The following CTDSPL variants were observed in gnomAD, a reference collection of about 807,000 sequenced individuals.
The protein encoded by CTDSPL is CTD small phosphatase like.
In CTDSPL, 8 loss-of-function variants were observed where a neutral mutation model predicts 30.5. The ratio of observed to expected loss-of-function variants is 0.26; its 90% CI spans 0.15 to 0.47. CTDSPL has a LOEUF of 0.47. Ranked by LOEUF, CTDSPL falls within the 20% of genes least tolerant of loss-of-function variation. The pLI, the probability that CTDSPL is intolerant of heterozygous loss-of-function variation, is 0.99. For synonymous variants in CTDSPL, 110 were observed against 137.9 expected, an observed-to-expected ratio of 0.80 and a Z score of 1.42; for missense variants, 248 against 366.1, an observed-to-expected ratio of 0.68 and a Z score of 2.63.
At chr3:37,937,515 C>T (rs1030508031) in intron 1 of CTDSPL, among the ~76,000 whole-genome samples, 10 of 150,628 alleles carry the variant, frequency 6.6e-5, no homozygotes, top group African/African-American at 2.4e-4. Context: ...TGAAGCAGCG[C>T]GAGACCCTCG....
Position 37,982,568 on chromosome 3 carries a change from A to T in CTDSPL, c.*1701A>T, listed in dbSNP as rs1388518144. ...TTGTTTTGCTTTCATTCACAAAGTA[A>T]TGAAGCCAGCTGCCAATTACATCCT... On this transcript the variant is annotated 3_prime_UTR_variant, in exon 8 of 8. Transcript: ENST00000273179. 4.4e-6 allele frequency: 2 copies of T among 456,740 alleles called. No individual in the cohort carries two copies. The highest frequency in any genetic ancestry group is 4.7e-5 in the Admixed American group (2 of 42,586). 28.3% of individuals were successfully genotyped at this position (456,740 alleles called of 1,614,324 possible).
chr3:37,969,003 A>G (rs1354199880), intron 5 of CTDSPL, among the ~76,000 whole-genome samples: 1 of 152,164 alleles, frequency 6.6e-6, no homozygotes, highest in African/African-American at 2.4e-5. Flanking sequence ...TAGTGTTTCC[A>G]CACTTCATGC....
chr3:37,927,672 G>GTATA (rs1380509955), intron 1 of CTDSPL, among the ~76,000 whole-genome samples: 6,010 of 132,650 alleles, frequency 0.045, 176 homozygotes, highest in African/African-American at 0.091. Flanking sequence ...GTGTGTGTGT[G>GTATA]TGTGTGTATG....
At chr3:37,939,209 T>A (rs1434786213) in intron 1 of CTDSPL, among the ~76,000 whole-genome samples, 1 of 150,294 alleles carries the variant, frequency 6.7e-6, no homozygotes, top group African/African-American at 2.4e-5. Flanking sequence ...TTTTGTTATG[T>A]TTGAAGCTGC....
chr3:37,978,470 G>A (rs548428702), intron 7 of CTDSPL, among the ~76,000 whole-genome samples: 3 of 152,250 alleles, frequency 2.0e-5, no homozygotes, highest in Non-Finnish European at 4.4e-5. Context: ...TTTATGTACA[G>A]CTTATACACA....
At chr3:37,956,382 GA>G (rs1006842963) in intron 2 of CTDSPL, among the ~76,000 whole-genome samples, 1 of 152,206 alleles carries the variant, frequency 6.6e-6, no homozygotes, top group African/African-American at 2.4e-5. Context: ...AGAAGAAACA[GA>G]AACTGGAAAT....
intron 1 of CTDSPL, among the ~76,000 whole-genome samples, chr3:37,902,000 G>T (rs1698455724): frequency 6.6e-6 from 1 of 152,140 alleles, no homozygotes. Flanking sequence ...GCATTCTGAG[G>T]CCTCTCCTCT....
rs192525822 is a variant in CTDSPL at position 37,928,706 on chromosome 3, G to C, written c.80-18351G>C. ...TACTCTTTTATTGGATATATTGTTT[G>C]CATATACTTTCTCCCATGCTTTAGG... is the stretch of plus-strand genomic sequence containing the variant. On this transcript the variant is annotated intron_variant, in intron 1 of 7. Coordinates refer to ENST00000273179, the MANE Select transcript of CTDSPL (RefSeq NM_001008392.2). Among the ~76,000 whole-genome samples, 412 of 152,058 alleles carry C rather than the reference G, an allele frequency of 2.7e-3. 2 individuals are homozygous for C. Among genetic ancestry groups the C allele is most frequent in the Non-Finnish European group, 4.2e-3 (288 of 67,960 alleles).
Position 37,982,997 on chromosome 3 carries a change from G to A in CTDSPL, c.*2130G>A. On this transcript the variant is annotated 3_prime_UTR_variant, in exon 8 of 8. Transcript: ENST00000273179. ...ATGGAAATCATAAAATATTTCATGG[G>A]AATCGAACCTAGGGATAGTGCTCCA... 4.6e-6 allele frequency: 1 copy of A among 215,146 alleles called. No individual in the cohort carries two copies. Among genetic ancestry groups the A allele is most frequent in the Non-Finnish European group, 9.7e-6 (1 of 103,552 alleles). 13.3% of individuals were successfully genotyped at this position (215,146 alleles called of 1,614,324 possible).
At chr3:37,890,529 A>T (rs1698312855) in intron 1 of CTDSPL, among the ~76,000 whole-genome samples, 1 of 152,082 alleles carries the variant, frequency 6.6e-6, no homozygotes, top group Admixed American at 6.5e-5. Context: ...GGGTTTTAAA[A>T]TTTTTTTTCA....
At chr3:37,934,336 AAAAG>A (rs941759082) in intron 1 of CTDSPL, among the ~76,000 whole-genome samples, 82 of 152,162 alleles carry the variant, frequency 5.4e-4, no homozygotes, top group Middle Eastern at 3.4e-3. Flanking sequence ...TTAAAAAAAA[AAAAG>A]AAAGAAAGAA....
chr3:37,957,248 G>A (rs1699185151), intron 3 of CTDSPL, 105 bp downstream of exon 3: 3 of 733,244 alleles, frequency 4.1e-6, no homozygotes, highest in African/African-American at 1.8e-5. Context: ...CTTATGGTGA[G>A]TTTATCATGT....
chr3:37,947,426 G>A (rs1219258742), intron 2 of CTDSPL, among the ~76,000 whole-genome samples: 1 of 152,184 alleles, frequency 6.6e-6, no homozygotes, highest in African/African-American at 2.4e-5. Flanking sequence ...TGGGCGTGGT[G>A]GCAGGCGCCT....
chr3:37,891,753 A>C (rs1698328410), intron 1 of CTDSPL, among the ~76,000 whole-genome samples: 1 of 152,224 alleles, frequency 6.6e-6, no homozygotes, highest in African/African-American at 2.4e-5. Flanking sequence ...AAATTTTTAA[A>C]AAAGGATTGC....
At chr3:37,914,865 T>C (rs1163566541) in intron 1 of CTDSPL, among the ~76,000 whole-genome samples, 2 of 144,084 alleles carry the variant, frequency 1.4e-5, no homozygotes, top group East Asian at 4.0e-4. Flanking sequence ...ATATAAGATA[T>C]ATATGTTCTT....
chr3:37,941,266 T>C (rs9837867), intron 1 of CTDSPL, among the ~76,000 whole-genome samples: 8,129 of 150,184 alleles, frequency 0.054, 645 homozygotes, highest in African/African-American at 0.11. Flanking sequence ...CCCGAGTTTG[T>C]GCACAGAAAT....
chr3:37,896,094 G>A (rs995675654), intron 1 of CTDSPL, among the ~76,000 whole-genome samples: 2 of 152,110 alleles, frequency 1.3e-5, no homozygotes, highest in South Asian at 2.1e-4. Context: ...TTTCTTGAGC[G>A]CTCCTATAAA....
intron 2 of CTDSPL, chr3:37,954,715 G>A (rs1032227245): frequency 6.6e-6 from 1 of 152,280 alleles, no homozygotes; most frequent in Non-Finnish European, 1.5e-5. Flanking sequence ...GCAGCGGCTT[G>A]GGTTAGCAGC....
intron 1 of CTDSPL, among the ~76,000 whole-genome samples, chr3:37,929,961 A>T (rs1698831855): frequency 1.3e-5 from 2 of 152,088 alleles, no homozygotes; most frequent in South Asian, 4.1e-4. Context: ...TACAAAAATT[A>T]GCTGGGCATG....
Sources: gnomAD v4.1 joint callset for allele counts (sites outside exome capture counted in the v4.1 genomes callset) on GRCh38, gnomAD v4.1.1 for gene constraint, MANE v1.5 for transcripts, NCBI Gene and HGNC (gene_info 2026-07-23, HGNC 2026-07-21) for gene names.